RPL23A: variants seen among roughly 807,000 people sequenced by gnomAD.
The protein encoded by RPL23A is ribosomal protein L23a.
Under a neutral mutation model 17.6 loss-of-function variants are expected in RPL23A, and 2 were observed. That is an observed-to-expected ratio of 0.11 (90% CI 0.05 to 0.36). The LOEUF (loss-of-function observed/expected upper bound fraction) is 0.36, where lower values mean the gene tolerates loss of function less well. Among genes scored for constraint, RPL23A ranks in the 10% least tolerant of loss-of-function variants. RPL23A has a pLI of 1.00. For missense variants in RPL23A, 132 were observed against 194.4 expected (o/e 0.68, Z 1.91); for synonymous variants, 65 against 74.3 (o/e 0.87, Z 0.65).
chr17:28,720,223 G>T, intron 1 of RPL23A, 193 bp downstream of exon 1: 12 of 1,533,220 alleles, frequency 7.8e-6, no homozygotes, highest in Non-Finnish European at 1.1e-5. Flanking sequence ...GGTAGAGGGA[G>T]TTGGGGGGGG....
intron 2 of RPL23A, 113 bp downstream of exon 2, chr17:28,721,003 T>G (rs2034104571): frequency 1.1e-6 from 1 of 896,050 alleles, no homozygotes; most frequent in Non-Finnish European, 1.7e-6. Flanking sequence ...TCCAGTGTGC[T>G]TCTCTAATTG....
chr17:28,723,047 G>A, intron 3 of RPL23A, 148 bp downstream of exon 3: 1 of 650,304 alleles, frequency 1.5e-6, no homozygotes, highest in Non-Finnish European at 2.8e-6. Flanking sequence ...AGGATCTCTT[G>A]AGGCCAGGAA....
intron 3 of RPL23A, 143 bp downstream of exon 3, chr17:28,723,042 C>T: frequency 1.5e-6 from 1 of 656,456 alleles, no homozygotes; most frequent in African/African-American, 1.8e-5. Flanking sequence ...GCAGGAGGAT[C>T]TCTTGAGGCC....
intron 1 of RPL23A, chr17:28,720,424 C>CGATG: frequency 6.2e-7 from 1 of 1,607,104 alleles, no homozygotes; most frequent in Non-Finnish European, 8.5e-7. Context: ...CGTGGTTTTG[C>CGATG]GATGGGGTAT....
chr17:28,720,612 T>G, intron 1 of RPL23A, 95 bp from the exon 2 acceptor site: 11 of 1,416,396 alleles, frequency 7.8e-6, no homozygotes, highest in Non-Finnish European at 1.1e-5. Context: ...GAACCACTGA[T>G]GCACCTGTGG....
chr17:28,720,984 C>T (rs2034104235), intron 2 of RPL23A, 94 bp downstream of exon 2: 1 of 1,065,256 alleles, frequency 9.4e-7, no homozygotes, highest in East Asian at 2.5e-5. Context: ...TTCTCAAACG[C>T]AAATTGTGTC....
Position 28,722,520 on chromosome 17 carries a change from A to G in RPL23A, c.210-203A>G, listed in dbSNP as rs548155698. 153 of 731,178 alleles carry G rather than the reference A, an allele frequency of 2.1e-4. 1 individual carries two copies. In the African/African-American group the frequency reaches 2.1e-3, roughly 10 times the overall value. The allele number at this position is 731,178 out of a possible 1,614,324, so 45.3% of individuals were successfully genotyped here. On this transcript the variant is annotated intron_variant, in intron 2 of 4. Transcript: ENST00000422514. ...CACTTGAGGTTGTAAGAGCCCTTCA[A>G]GAGAAAGAAAATGCACAACGTTCTG...
At position 28,720,702 on chromosome 17, in the gene RPL23A, C is replaced by G. The variant is rs770118283; in HGVS notation, c.26-5C>G. The G allele has an allele frequency of 6.2e-7, 1 of 1,614,086 alleles. No individual in the cohort carries two copies. The highest frequency in any genetic ancestry group is 1.7e-5 in the Admixed American group (1 of 60,014). ...GCACCCACGTTTTCTTTCCTTTTCT[C>G]CCAGCTCCTGCCCCTCCTAAAGCTG... is the stretch of plus-strand genomic sequence containing the variant. On this transcript the variant is annotated splice_polypyrimidine_tract_variant and splice_region_variant and intron_variant, in intron 1 of 4. Transcript: ENST00000422514.
intron 3 of RPL23A, chr17:28,723,290 C>T: frequency 1.7e-6 from 1 of 595,632 alleles, no homozygotes; most frequent in Non-Finnish European, 3.1e-6. Context: ...GGGGGTTGGT[C>T]CTCATTTTCT....
chr17:28,721,095 T>C (rs2034106339), intron 2 of RPL23A: 1 of 491,592 alleles, frequency 2.0e-6, no homozygotes, highest in Non-Finnish European at 3.7e-6. Flanking sequence ...CTCACGTCTG[T>C]AATCCCAGCA....
chr17:28,723,417 A>G lies in RPL23A; in HGVS notation c.387-154A>G. 2.6e-6 allele frequency: 2 copies of G among 778,522 alleles called. 1 individual carries two copies. Among genetic ancestry groups the G allele is most frequent in the South Asian group, 2.7e-5 (2 of 73,978 alleles). The allele number at this position is 778,522 out of a possible 1,614,324, so 48.2% of individuals were successfully genotyped here. On this transcript the variant is annotated intron_variant, in intron 3 of 4. Coordinates refer to ENST00000422514, the MANE Select transcript of RPL23A (RefSeq NM_000984.6). ...ATAAGAGAATTGGCTTTGTGGCTTC[A>G]TGGTGTCCTCTGGGCTAATGATGGA... is the stretch of plus-strand genomic sequence containing the variant.
intron 2 of RPL23A, 78 bp downstream of exon 2, chr17:28,720,968 G>GA: frequency 7.7e-7 from 1 of 1,300,654 alleles, no homozygotes; most frequent in Non-Finnish European, 1.1e-6. Flanking sequence ...CACTCTGCGT[G>GA]ATGGTTTCTC....
intron 2 of RPL23A, 66 bp from the exon 3 acceptor site, chr17:28,722,635 CCTCGTTGTCTGATGCACCTAGG>C (rs1277267237): frequency 7.5e-6 from 8 of 1,064,636 alleles, no homozygotes; most frequent in Non-Finnish European, 1.2e-5. Context: ...GTGATTGGTA[CCTCGTTGTCTGATGCACCTAGG>C]CTCTCCTGGC....
At position 28,720,736 on chromosome 17, in the gene RPL23A, G is replaced by A. The variant is rs976854829; in HGVS notation, c.55G>A (p.Ala19Thr). The change falls in exon 2 of 5, where the codon GCG becomes ACG. Residue 19 changes from alanine (A) to threonine (T), a missense_variant. Ala to Thr is a moderately conservative substitution (Grantham distance 58). This residue lies in a region of RPL23A where 63 missense variants were observed against 48.9 expected (regional missense o/e 1.29). Coordinates refer to ENST00000422514, the MANE Select transcript of RPL23A (RefSeq NM_000984.6). Reference sequence around the variant, plus strand: ...TGCCCCTCCTAAAGCTGAAGCCAAAGCGAAGGCTTTAAAGGCCAAGAAGGC... The same window carrying A: ...TGCCCCTCCTAAAGCTGAAGCCAAAACGAAGGCTTTAAAGGCCAAGAAGGC... Reference protein sequence around the residue: ...APAPPKAEAKAKALKAKKAVL... With the variant: ...APAPPKAEAKTKALKAKKAVL... 3.7e-6 allele frequency: 6 copies of A among 1,613,874 alleles called. No homozygotes were observed. The African/African-American group carries it at 5.3e-5, about 14-fold the overall frequency.
intron 2 of RPL23A, chr17:28,721,286 G>C (rs2034110134): frequency 5.0e-6 from 1 of 198,122 alleles, no homozygotes; most frequent in African/African-American, 2.3e-5. Context: ...CCCGGGAGGT[G>C]GAGGTTGCGG....
At chr17:28,720,664 AT>A (rs895900926) in intron 1 of RPL23A, 42 bp from the exon 2 acceptor site, 4 of 1,609,490 alleles carry the variant, frequency 2.5e-6, no homozygotes, top group Admixed American at 1.7e-5. Flanking sequence ...GAAGTGACCG[AT>A]TTCTAAATCC....
chr17:28,720,725 C>T lies in RPL23A; in HGVS notation c.44C>T (p.Ala15Val). Residue 15 changes from alanine (A) to valine (V), a missense_variant, in exon 2 of 5, where the codon GCT (alanine) becomes GTT (valine). By Grantham distance (64) the Ala-to-Val change is moderately conservative. Around this residue, in one of 2 missense-constraint regions of RPL23A, gnomAD observed 63 missense variants for 48.9 expected, o/e 1.29. Coordinates refer to ENST00000422514, the MANE Select transcript of RPL23A (RefSeq NM_000984.6). ...CTCCCAGCTCCTGCCCCTCCTAAAGCTGAAGCCAAAGCGAAGGCTTTAAAG... is the reference window on the plus strand; with the variant it reads ...CTCCCAGCTCCTGCCCCTCCTAAAGTTGAAGCCAAAGCGAAGGCTTTAAAG... ...AKKEAPAPPK[A>V]EAKAKALKAK... is the part of the protein sequence containing the mutation. 3 of 1,614,028 alleles carry T rather than the reference C, an allele frequency of 1.9e-6. No homozygotes were observed. The East Asian group carries it at 6.7e-5, about 36-fold the overall frequency.
chr17:28,723,780 C>T (rs2034160538), intron 4 of RPL23A, 87 bp from the exon 5 acceptor site: 4 of 1,402,424 alleles, frequency 2.9e-6, no homozygotes, highest in Non-Finnish European at 3.0e-6. Flanking sequence ...CTTATCCTCA[C>T]ATTCCTCATT....
At chr17:28,722,688 G>A in intron 2 of RPL23A, 35 bp from the exon 3 acceptor site, 1 of 1,597,098 alleles carries the variant, frequency 6.3e-7, no homozygotes, top group Non-Finnish European at 8.6e-7. Context: ...AAAAGAATGG[G>A]CCCAGGCCAG....
Sources: allele counts gnomAD v4.1 joint callset, GRCh38; gene constraint gnomAD v4.1.1; regional missense constraint gnomAD v4.1.1; transcripts MANE v1.5; gene names NCBI Gene and HGNC (gene_info 2026-07-23, HGNC 2026-07-21).